The following GRIN2B variants were observed in gnomAD, a reference collection of about 807,000 sequenced individuals.
The protein encoded by GRIN2B is glutamate ionotropic receptor NMDA type subunit 2B, also known as glutamate receptor ionotropic, NMDA 2B.
GRIN2B carries 5 observed loss-of-function variants against 114.5 expected under a neutral mutation model. The ratio of observed to expected loss-of-function variants is 0.04; its 90% confidence interval spans 0.02 to 0.09. The LOEUF (loss-of-function observed/expected upper bound fraction) is 0.09, where lower values mean the gene tolerates loss of function less well. Among genes scored for constraint, GRIN2B ranks in the 10% least tolerant of loss-of-function variants. The pLI is 1.00. For missense variants in GRIN2B, 1,108 were observed against 1,943.5 expected (o/e 0.57, Z 8.08); for synonymous variants, 787 against 745.1 (o/e 1.06, Z -0.92).
intron 4 of GRIN2B, among the ~76,000 whole-genome samples, chr12:13,688,372 A>C (rs937466889): frequency 5.3e-5 from 8 of 152,172 alleles, no homozygotes; most frequent in African/African-American, 1.9e-4. Flanking sequence ...GCCTACAGGA[A>C]AGTCAACTAA....
chr12:13,911,644 A>C (rs1196805889), intron 2 of GRIN2B, among the ~76,000 whole-genome samples: 18 of 152,074 alleles, frequency 1.2e-4, no homozygotes, highest in Non-Finnish European at 2.9e-5. Context: ...ACGAATCATG[A>C]TCTAGACCTC....
chr12:13,691,189 T>C (rs920887395), intron 4 of GRIN2B, among the ~76,000 whole-genome samples: 1 of 152,212 alleles, frequency 6.6e-6, no homozygotes, highest in African/African-American at 2.4e-5. Flanking sequence ...ATAGTTGATA[T>C]TCACACTAAG....
At chr12:13,922,789 C>T (rs1216958396) in intron 2 of GRIN2B, among the ~76,000 whole-genome samples, 2 of 152,192 alleles carry the variant, frequency 1.3e-5, no homozygotes, top group Non-Finnish European at 2.9e-5. Context: ...TGGGAAACAA[C>T]GCCTCCTCCA....
intron 2 of GRIN2B, among the ~76,000 whole-genome samples, chr12:13,950,397 C>G (rs1867459495): frequency 6.6e-6 from 1 of 152,134 alleles, no homozygotes; most frequent in Admixed American, 6.5e-5. Flanking sequence ...CACTTATGGG[C>G]TACACAACCT....
chr12:13,818,579 A>C (rs561287815), intron 3 of GRIN2B, among the ~76,000 whole-genome samples: 64 of 152,258 alleles, frequency 4.2e-4, no homozygotes, highest in Non-Finnish European at 1.6e-4. Flanking sequence ...TCATATAGTT[A>C]AATCTATTTA....
Position 13,549,557 on chromosome 12 carries a change from C to T in GRIN2B, c.*13226G>A, listed in dbSNP as rs1948385319. 6.6e-6 allele frequency: 1 copy of T among 152,156 alleles called. No homozygotes were observed. The highest frequency in any genetic ancestry group is 1.5e-5 in the Non-Finnish European group (1 of 68,028). 9.4% of individuals were successfully genotyped at this position (152,156 alleles called of 1,614,324 possible). A position where few individuals can be genotyped will look rare whatever the true frequency, so the allele number is the denominator to read the frequency against. ...GCTCACTGTGGGCTGACCAAAACTA[C>T]TGACACCTTCGGAGTATCATGACAC... is the stretch of plus-strand genomic sequence containing the variant. On this transcript the variant is annotated 3_prime_UTR_variant, in exon 14 of 14. Transcript: ENST00000609686.
At chr12:13,728,202 C>T (rs1863024477) in intron 4 of GRIN2B, among the ~76,000 whole-genome samples, 2 of 152,190 alleles carry the variant, frequency 1.3e-5, no homozygotes, top group African/African-American at 2.4e-5. Context: ...AATCACTTTG[C>T]TTTCATTCAG....
intron 4 of GRIN2B, among the ~76,000 whole-genome samples, chr12:13,690,377 A>T (rs370289428): frequency 0.017 from 1,278 of 74,762 alleles, 5 homozygotes; most frequent in Non-Finnish European, 0.025. Context: ...TCTCTCTCAC[A>T]CACACACACA....
At chr12:13,610,102 A>G (rs1949347359) in intron 9 of GRIN2B, 1 of 152,222 alleles carries the variant, frequency 6.6e-6, no homozygotes, top group Non-Finnish European at 1.5e-5. Context: ...CTGCTCAGCC[A>G]AATAAATCAT....
At chr12:13,920,363 T>C (rs1866802910) in intron 2 of GRIN2B, among the ~76,000 whole-genome samples, 2 of 152,062 alleles carry the variant, frequency 1.3e-5, no homozygotes, top group Admixed American at 6.5e-5. Flanking sequence ...GCATCATTCA[T>C]TGGTACTTTA....
chr12:13,971,717 C>T (rs1309038190), intron 2 of GRIN2B, among the ~76,000 whole-genome samples: 1 of 152,210 alleles, frequency 6.6e-6, no homozygotes, highest in Non-Finnish European at 1.5e-5. Flanking sequence ...GGGGCACCCT[C>T]AATAAAGACT....
At chr12:13,592,136 C>T (rs575878504) in intron 10 of GRIN2B, among the ~76,000 whole-genome samples, 1 of 152,138 alleles carries the variant, frequency 6.6e-6, no homozygotes, top group Non-Finnish European at 1.5e-5. Flanking sequence ...TGGAGGGTGA[C>T]GGGTGTGTTT....
chr12:13,917,689 A>G (rs1351847115), intron 2 of GRIN2B, among the ~76,000 whole-genome samples: 1 of 152,236 alleles, frequency 6.6e-6, no homozygotes, highest in Non-Finnish European at 1.5e-5. Flanking sequence ...TACAGAAGGA[A>G]GTTAGAACAT....
At chr12:13,589,503 A>G (rs78516196) in intron 10 of GRIN2B, among the ~76,000 whole-genome samples, 2 of 152,362 alleles carry the variant, frequency 1.3e-5, no homozygotes, top group East Asian at 3.9e-4. Context: ...CACTAACCTT[A>G]GTACCAACAA....
At chr12:13,967,406 T>G (rs974102591) in intron 2 of GRIN2B, among the ~76,000 whole-genome samples, 1 of 152,232 alleles carries the variant, frequency 6.6e-6, no homozygotes, top group South Asian at 2.1e-4. Context: ...AAACGCCCAG[T>G]TCAAATCCTG....
intron 10 of GRIN2B, among the ~76,000 whole-genome samples, chr12:13,589,511 C>T (rs1005534667): frequency 1.3e-5 from 2 of 152,314 alleles, no homozygotes; most frequent in South Asian, 2.1e-4. Context: ...TTAGTACCAA[C>T]AAAAAGATCA....
intron 5 of GRIN2B, among the ~76,000 whole-genome samples, chr12:13,667,958 C>A (rs376016538): frequency 6.6e-6 from 1 of 152,140 alleles, no homozygotes; most frequent in South Asian, 2.1e-4. Flanking sequence ...ATTTTCTCAT[C>A]TCTCTACCAC....
chr12:13,880,581 T>C (rs1866056605), intron 2 of GRIN2B, among the ~76,000 whole-genome samples: 1 of 152,212 alleles, frequency 6.6e-6, no homozygotes, highest in East Asian at 1.9e-4. Context: ...TGGAAATTCC[T>C]TCCCTGCCTC....
chr12:13,715,937 T>C (rs1414054619), intron 4 of GRIN2B, among the ~76,000 whole-genome samples: 1 of 151,924 alleles, frequency 6.6e-6, no homozygotes, highest in Non-Finnish European at 1.5e-5. Context: ...GATGGAGGTA[T>C]GTTTCTTCCA....
Sources: gnomAD v4.1 joint callset for allele counts (sites outside exome capture counted in the v4.1 genomes callset) on GRCh38, gnomAD v4.1.1 for gene constraint, MANE v1.5 for transcripts, NCBI Gene and HGNC (gene_info 2026-07-23, HGNC 2026-07-21) for gene names.